ZNF385D: variants seen among roughly 807,000 people sequenced by gnomAD.
ZNF385D encodes the protein zinc finger protein 385D.
In ZNF385D, 15 loss-of-function variants were observed where a neutral mutation model predicts 35.8. The ratio of observed to expected loss-of-function variants is 0.42; its 90% CI spans 0.28 to 0.64. The LOEUF is 0.64. Ranked by LOEUF, ZNF385D falls within the 30% of genes least tolerant of loss-of-function variation. ZNF385D has a pLI of 0.23. For synonymous variants in ZNF385D, 212 were observed against 186.8 expected (o/e 1.13, Z -1.10); for missense variants, 474 against 494.6 (o/e 0.96, Z 0.39).
At chr3:21,717,616 G>A (rs1030231649) in intron 1 of ZNF385D, among the ~76,000 whole-genome samples, 4 of 152,126 alleles carry the variant, frequency 2.6e-5, no homozygotes, top group Non-Finnish European at 4.4e-5. Flanking sequence ...TAATTCCCAC[G>A]TGGAGGGATC....
chr3:21,853,503 AGTC>A (rs1175138122), intron 3 of ZNF385D, among the ~76,000 whole-genome samples: 1 of 117,638 alleles, frequency 8.5e-6, no homozygotes, highest in Non-Finnish European at 1.7e-5. Flanking sequence ...TTAAAATTGC[AGTC>A]CTTTTTTTTT....
At chr3:21,881,477 A>T (rs560123470) in intron 3 of ZNF385D, among the ~76,000 whole-genome samples, 7 of 152,068 alleles carry the variant, frequency 4.6e-5, no homozygotes, top group Admixed American at 3.9e-4. Flanking sequence ...CACTGTTGAA[A>T]ACTACTACTC....
intron 2 of ZNF385D, among the ~76,000 whole-genome samples, chr3:22,192,027 C>A (rs1056330393): frequency 6.6e-6 from 1 of 152,098 alleles, no homozygotes; most frequent in Middle Eastern, 3.2e-3. Context: ...GGCCCATCTA[C>A]CCTGAAATGG....
intron 3 of ZNF385D, among the ~76,000 whole-genome samples, chr3:22,048,024 G>A (rs1370907329): frequency 6.6e-6 from 1 of 151,998 alleles, no homozygotes. Flanking sequence ...TCATTTACTT[G>A]TGGTCATTTC....
intron 2 of ZNF385D, among the ~76,000 whole-genome samples, chr3:22,334,214 A>G (rs1047633471): frequency 6.6e-5 from 10 of 152,058 alleles, no homozygotes; most frequent in Non-Finnish European, 1.5e-4. Context: ...TCTATTTGTT[A>G]TCTGTGTTAC....
intron 3 of ZNF385D, among the ~76,000 whole-genome samples, chr3:22,167,699 T>A (rs1706427477): frequency 6.6e-6 from 1 of 152,200 alleles, no homozygotes; most frequent in Non-Finnish European, 1.5e-5. Flanking sequence ...TGTTTCTGGC[T>A]GGCAAAAGTG....
At chr3:21,766,872 G>T (rs2070851353) in intron 3 of ZNF385D, among the ~76,000 whole-genome samples, 1 of 152,016 alleles carries the variant, frequency 6.6e-6, no homozygotes. Flanking sequence ...GTACTGGAAA[G>T]GATTTGTGGC....
At chr3:22,139,769 A>AC (rs1704382636) in intron 3 of ZNF385D, among the ~76,000 whole-genome samples, 1 of 151,054 alleles carries the variant, frequency 6.6e-6, no homozygotes, top group Admixed American at 6.6e-5. Context: ...GTATAATAAA[A>AC]CAAAAAAAAG....
chr3:21,816,699 G>T (rs1263473563), intron 3 of ZNF385D, among the ~76,000 whole-genome samples: 3 of 152,112 alleles, frequency 2.0e-5, no homozygotes, highest in Non-Finnish European at 4.4e-5. Flanking sequence ...ACAAAAAAAT[G>T]GAAGAACATT....
At chr3:22,176,715 A>G (rs906749451) in intron 2 of ZNF385D, among the ~76,000 whole-genome samples, 2 of 152,204 alleles carry the variant, frequency 1.3e-5, no homozygotes, top group Non-Finnish European at 2.9e-5. Flanking sequence ...GCTTCAAATC[A>G]GAATTTCTAT....
chr3:21,990,760 T>C lies in ZNF385D; in HGVS notation c.325+178057A>G, dbSNP rs573350514. ...TTCTACAACATCTACAGAAAAACTG[T>C]ATGAGCTGAAACACTTATTGCTAAC... On this transcript the variant is annotated intron_variant, in intron 3 of 5. Coordinates refer to the ZNF385D transcript ENST00000494108. Among the ~76,000 whole-genome samples, 269 of 152,322 alleles carry C rather than the reference T, an allele frequency of 1.8e-3. 1 individual carries two copies. Among genetic ancestry groups the C allele is most frequent in the Non-Finnish European group, 2.8e-3 (190 of 68,026 alleles).
intron 3 of ZNF385D, among the ~76,000 whole-genome samples, chr3:21,774,164 C>T (rs913921943): frequency 6.6e-6 from 1 of 151,638 alleles, no homozygotes; most frequent in Non-Finnish European, 1.5e-5. Flanking sequence ...CAAACTAATG[C>T]AGGAACAGAA....
intron 3 of ZNF385D, among the ~76,000 whole-genome samples, chr3:22,145,713 T>C (rs190929603): frequency 3.0e-4 from 46 of 152,268 alleles, no homozygotes; most frequent in African/African-American, 1.1e-3. Context: ...AGTACATTGA[T>C]AAGAATAAAT....
chr3:22,144,037 G>A (rs1704689468), intron 3 of ZNF385D, among the ~76,000 whole-genome samples: 1 of 145,108 alleles, frequency 6.9e-6, no homozygotes, highest in African/African-American at 2.9e-5. Context: ...TAGAAAGACT[G>A]ACTGAAGAGT....
intron 1 of ZNF385D, among the ~76,000 whole-genome samples, chr3:21,676,487 G>A (rs74418862): frequency 6.6e-6 from 1 of 151,928 alleles, no homozygotes; most frequent in Non-Finnish European, 1.5e-5. Context: ...ATCCCAAAAA[G>A]GATTTACTTT....
At chr3:21,905,745 G>A (rs1025992477) in intron 3 of ZNF385D, among the ~76,000 whole-genome samples, 5 of 151,428 alleles carry the variant, frequency 3.3e-5, no homozygotes, top group African/African-American at 1.2e-4. Context: ...TTGATTAAAT[G>A]TCTCAAACAA....
intron 2 of ZNF385D, among the ~76,000 whole-genome samples, chr3:21,658,647 CTA>C (rs1177574121): frequency 1.3e-5 from 2 of 151,878 alleles, no homozygotes; most frequent in African/African-American, 4.8e-5. Context: ...TGAGTCTTTG[CTA>C]TGTTTCATGT....
chr3:22,225,270 A>G (rs572863015), intron 2 of ZNF385D, among the ~76,000 whole-genome samples: 7 of 152,202 alleles, frequency 4.6e-5, no homozygotes, highest in South Asian at 4.1e-4. Context: ...TGCCCCATGT[A>G]TATCCCGTCA....
intron 3 of ZNF385D, among the ~76,000 whole-genome samples, chr3:21,518,496 G>T (rs1435434156): frequency 6.6e-6 from 1 of 152,142 alleles, no homozygotes; most frequent in Non-Finnish European, 1.5e-5. Context: ...GCAAGGGCTA[G>T]AGGAACCCCC....
Sources: allele counts gnomAD v4.1 joint callset (sites outside exome capture counted in the v4.1 genomes callset), GRCh38; gene constraint gnomAD v4.1.1; transcripts MANE v1.5; gene names NCBI Gene and HGNC (gene_info 2026-07-23, HGNC 2026-07-21).